The following SFMBT2 variants were observed in gnomAD, a reference collection of about 807,000 sequenced individuals.
SFMBT2 encodes the protein Scm like with four mbt domains 2, also known as scm-like with four MBT domains protein 2.
SFMBT2 carries 38 observed loss-of-function variants against 110.1 expected under a neutral mutation model. The ratio of observed to expected loss-of-function variants is 0.35; its 90% CI spans 0.27 to 0.45. The LOEUF is 0.45. Ranked by LOEUF, SFMBT2 falls within the 20% of genes least tolerant of loss-of-function variation. The probability of loss-of-function intolerance (pLI) is 1.00; values close to 1 mark genes in which losing one functional copy is unlikely to be tolerated. For missense variants in SFMBT2, 1,011 were observed against 1,094.9 expected, an observed-to-expected ratio of 0.92 and a Z score of 1.08; for synonymous variants, 425 against 425.4, an observed-to-expected ratio of 1.00 and a Z score of 0.01.
chr10:7,387,102 G>C (rs367780342), intron 1 of SFMBT2, among the ~76,000 whole-genome samples: 2 of 152,090 alleles, frequency 1.3e-5, no homozygotes, highest in South Asian at 2.1e-4. Context: ...TGTGGGGAAG[G>C]GGCAATGAAA....
intron 4 of SFMBT2, among the ~76,000 whole-genome samples, chr10:7,311,870 T>A (rs538686276): frequency 2.0e-5 from 3 of 152,244 alleles, no homozygotes; most frequent in African/African-American, 7.2e-5. Flanking sequence ...CCTGAAAAGG[T>A]CATTTGTAAC....
At chr10:7,250,293 T>C (rs1840761700) in intron 7 of SFMBT2, among the ~76,000 whole-genome samples, 1 of 152,172 alleles carries the variant, frequency 6.6e-6, no homozygotes, top group Non-Finnish European at 1.5e-5. Flanking sequence ...TTTACATCCG[T>C]GTGTGCTCAA....
intron 9 of SFMBT2, among the ~76,000 whole-genome samples, chr10:7,229,882 G>A (rs1840063668): frequency 1.3e-5 from 2 of 151,318 alleles, no homozygotes; most frequent in South Asian, 2.1e-4. Context: ...CACCATGCCT[G>A]GCTAATTTTT....
At chr10:7,169,190 T>C (rs1268095441) in intron 20 of SFMBT2, among the ~76,000 whole-genome samples, 1 of 152,116 alleles carries the variant, frequency 6.6e-6, no homozygotes, top group Non-Finnish European at 1.5e-5. Flanking sequence ...GGTCTCGAAC[T>C]CCTGACCTCA....
intron 4 of SFMBT2, among the ~76,000 whole-genome samples, chr10:7,350,128 G>A (rs1367621696): frequency 6.6e-6 from 1 of 151,708 alleles, no homozygotes; most frequent in Non-Finnish European, 1.5e-5. Context: ...TGGTGGCAAA[G>A]TCAACCTTGA....
chr10:7,279,565 G>A (rs530498035), intron 6 of SFMBT2, among the ~76,000 whole-genome samples: 1 of 152,290 alleles, frequency 6.6e-6, no homozygotes, highest in South Asian at 2.1e-4. Flanking sequence ...ACAATAAATA[G>A]TACCATTCAA....
intron 4 of SFMBT2, chr10:7,348,227 T>TG: frequency 2.8e-6 from 4 of 1,416,288 alleles, no homozygotes; most frequent in Non-Finnish European, 3.8e-6. Flanking sequence ...GAGGTTCGTG[T>TG]GGGATCGGGG....
In SFMBT2 at chr10:7,409,679, T is replaced by TC. The variant is rs1232416410; in HGVS notation, c.-52+1181dup. Reference sequence around the variant, plus strand: ...CCGGACAGCCCATTCCTTCTTTTTTTCCCCACTTAATTCGCTAAAGCGCTT... The same window carrying TC: ...CCGGACAGCCCATTCCTTCTTTTTTTCCCCCACTTAATTCGCTAAAGCGCTT... On this transcript the variant is annotated intron_variant, in intron 1 of 20. Coordinates refer to ENST00000397167, the MANE Select transcript of SFMBT2 (RefSeq NM_001387889.1). Among the ~76,000 whole-genome samples, 13 of 152,098 alleles carry TC rather than the reference T, an allele frequency of 8.5e-5. No homozygotes were observed. The South Asian group carries it at 2.5e-3, about 29-fold the overall frequency.
chr10:7,222,604 G>A (rs2762582), intron 10 of SFMBT2, among the ~76,000 whole-genome samples: 72,040 of 151,854 alleles, frequency 0.47, 17,810 homozygotes, highest in East Asian at 0.87. Flanking sequence ...AGCAGTAAGA[G>A]TGTCCTGATT....
chr10:7,283,847 G>A (rs1787012301), intron 6 of SFMBT2, 57 bp downstream of exon 6: 2 of 1,184,084 alleles, frequency 1.7e-6, no homozygotes, highest in Non-Finnish European at 2.5e-6. Context: ...ACACATCCAG[G>A]AAAATATCAC....
At chr10:7,395,479 A>C (rs1487929404) in intron 1 of SFMBT2, among the ~76,000 whole-genome samples, 1 of 152,250 alleles carries the variant, frequency 6.6e-6, no homozygotes, top group East Asian at 1.9e-4. Context: ...ATTGAAATTC[A>C]GGTTCTTCAG....
At chr10:7,399,722 G>C (rs939440859) in intron 1 of SFMBT2, among the ~76,000 whole-genome samples, 9 of 152,220 alleles carry the variant, frequency 5.9e-5, no homozygotes, top group African/African-American at 2.2e-4. Context: ...TCAGGCACCA[G>C]AATGTGCTCC....
At chr10:7,368,680 A>T (rs965647678) in intron 3 of SFMBT2, among the ~76,000 whole-genome samples, 3 of 152,242 alleles carry the variant, frequency 2.0e-5, no homozygotes, top group Non-Finnish European at 2.9e-5. Flanking sequence ...AGAGAAATTG[A>T]TAACTTCTCA....
intron 5 of SFMBT2, chr10:7,285,156 A>G (rs932570853): frequency 6.6e-6 from 1 of 152,250 alleles, no homozygotes; most frequent in Admixed American, 6.5e-5. Context: ...ATTCTTAAGA[A>G]AAACAGACTA....
At chr10:7,400,728 G>A (rs1459176068) in intron 1 of SFMBT2, among the ~76,000 whole-genome samples, 1 of 152,224 alleles carries the variant, frequency 6.6e-6, no homozygotes, top group African/African-American at 2.4e-5. Context: ...CTTCTCAGAA[G>A]AGCCCTGCCT....
chr10:7,208,536 A>AT (rs35521321), intron 11 of SFMBT2, among the ~76,000 whole-genome samples: 1 of 152,050 alleles, frequency 6.6e-6, no homozygotes, highest in Non-Finnish European at 1.5e-5. Context: ...AATACAAAAA[A>AT]TTAGCTGGGC....
chr10:7,310,789 T>C (rs1842830203), intron 4 of SFMBT2, among the ~76,000 whole-genome samples: 1 of 152,044 alleles, frequency 6.6e-6, no homozygotes, highest in Admixed American at 6.5e-5. Context: ...CTCATGCTTG[T>C]AATCCCAGCA....
intron 4 of SFMBT2, among the ~76,000 whole-genome samples, chr10:7,365,736 A>C (rs767073763): frequency 2.0e-5 from 3 of 152,248 alleles, no homozygotes; most frequent in African/African-American, 4.8e-5. Context: ...AAAAGGCCAC[A>C]CAGCATAGGA....
At chr10:7,208,634 C>T (rs1386072617) in intron 11 of SFMBT2, among the ~76,000 whole-genome samples, 8 of 149,588 alleles carry the variant, frequency 5.3e-5, no homozygotes, top group South Asian at 2.1e-4. Context: ...TGCAGTGAGC[C>T]AAGATCACGC....
Sources: allele counts gnomAD v4.1 joint callset (sites outside exome capture counted in the v4.1 genomes callset), GRCh38; gene constraint gnomAD v4.1.1; transcripts MANE v1.5; gene names NCBI Gene and HGNC (gene_info 2026-07-23, HGNC 2026-07-21).